MYO16: variants seen among roughly 807,000 people sequenced by gnomAD.
MYO16 encodes the protein myosin XVI.
Under a neutral mutation model 205.3 loss-of-function variants are expected in MYO16, and 94 were observed. The observed-to-expected ratio is 0.46, with a 90% CI of 0.39 to 0.54. The LOEUF (loss-of-function observed/expected upper bound fraction) is 0.54. Among genes scored for constraint, MYO16 ranks in the 20% least tolerant of loss-of-function variants. The pLI, the probability that MYO16 is intolerant of heterozygous loss-of-function variation, is 0.00. For synonymous variants in MYO16, 988 were observed against 954.0 expected, an observed-to-expected ratio of 1.04 and a Z score of -0.66; for missense variants, 2,315 against 2,387.5, an observed-to-expected ratio of 0.97 and a Z score of 0.63.
At chr13:108,846,358 A>G (rs985733804) in intron 10 of MYO16, among the ~76,000 whole-genome samples, 14 of 152,098 alleles carry the variant, frequency 9.2e-5, no homozygotes, top group African/African-American at 3.4e-4. Context: ...CTGTTTCCTA[A>G]TTGTTTTCAT....
At chr13:108,739,479 A>G (rs530693794) in intron 4 of MYO16, among the ~76,000 whole-genome samples, 121 of 152,216 alleles carry the variant, frequency 7.9e-4, no homozygotes, top group African/African-American at 2.9e-3. Context: ...CTCTCTTCTG[A>G]CTTGTAGAGT....
chr13:108,674,984 G>T (rs1882139246), intron 2 of MYO16, among the ~76,000 whole-genome samples: 1 of 152,206 alleles, frequency 6.6e-6, no homozygotes, highest in African/African-American at 2.4e-5. Context: ...CAGAGAGAGG[G>T]AAGTGGCAGC....
intron 34 of MYO16, among the ~76,000 whole-genome samples, chr13:109,202,674 C>T (rs9559515): frequency 0.06 from 9,115 of 152,168 alleles, 761 homozygotes; most frequent in East Asian, 0.28. Context: ...CAAAATACCA[C>T]TATCATTCTT....
chr13:108,519,129 A>G, the MYO16 span, among the ~76,000 whole-genome samples: 1 of 152,210 alleles, frequency 6.6e-6, no homozygotes, highest in Non-Finnish European at 1.5e-5. Flanking sequence ...TCAGTAGCAT[A>G]AACACATTTC....
intron 7 of MYO16, among the ~76,000 whole-genome samples, chr13:108,816,003 C>T (rs943738094): frequency 3.4e-4 from 52 of 152,194 alleles, no homozygotes; most frequent in African/African-American, 1.2e-3. Flanking sequence ...ATGAACATAA[C>T]AAGCCAGTTG....
At chr13:108,973,326 G>T (rs918836459) in intron 20 of MYO16, among the ~76,000 whole-genome samples, 3 of 150,086 alleles carry the variant, frequency 2.0e-5, no homozygotes, top group Non-Finnish European at 3.0e-5. Context: ...CTATACCAAT[G>T]AAAAAAGAGA....
At chr13:108,822,480 T>A (rs1422521103) in intron 8 of MYO16, among the ~76,000 whole-genome samples, 2 of 152,178 alleles carry the variant, frequency 1.3e-5, no homozygotes, top group African/African-American at 4.8e-5. Flanking sequence ...CCTCATGATC[T>A]GTATCAATTT....
At chr13:109,191,694 C>G (rs970096220) in intron 34 of MYO16, among the ~76,000 whole-genome samples, 1 of 152,134 alleles carries the variant, frequency 6.6e-6, no homozygotes, top group Admixed American at 6.5e-5. Context: ...CTACTTGTCA[C>G]TAGATGTTCA....
chr13:109,042,492 C>G (rs1181482054), intron 23 of MYO16, among the ~76,000 whole-genome samples: 1 of 152,124 alleles, frequency 6.6e-6, no homozygotes, highest in African/African-American at 2.4e-5. Context: ...AATTTAGCAC[C>G]AGGAAAAGAC....
chr13:108,509,078 T>C, the MYO16 span, among the ~76,000 whole-genome samples: 3 of 152,190 alleles, frequency 2.0e-5, no homozygotes, highest in South Asian at 4.1e-4. Flanking sequence ...AAATGTTTAA[T>C]AAACCAGTGT....
At chr13:108,660,006 G>A (rs1283307788) in intron 1 of MYO16, among the ~76,000 whole-genome samples, 1 of 152,196 alleles carries the variant, frequency 6.6e-6, no homozygotes, top group East Asian at 1.9e-4. Flanking sequence ...GGAGGCTGAA[G>A]TGGGAGAATC....
chr13:109,087,835 A>AATT (rs1888483758), intron 27 of MYO16, among the ~76,000 whole-genome samples: 1 of 152,196 alleles, frequency 6.6e-6, no homozygotes, highest in Non-Finnish European at 1.5e-5. Flanking sequence ...TTAAGGAGCA[A>AATT]ATTGCTTTAG....
intron 6 of MYO16, among the ~76,000 whole-genome samples, chr13:108,795,730 G>C (rs1449024239): frequency 6.6e-6 from 1 of 152,116 alleles, no homozygotes; most frequent in Non-Finnish European, 1.5e-5. Flanking sequence ...AAATAATAGT[G>C]ACCAAAATTC....
chr13:108,967,342 A>G (rs1183366226), intron 20 of MYO16, among the ~76,000 whole-genome samples: 2 of 152,214 alleles, frequency 1.3e-5, no homozygotes, highest in Non-Finnish European at 2.9e-5. Context: ...TATTAATCAT[A>G]TAGCATTTTA....
At chr13:108,941,983 G>T (rs1004024555) in intron 16 of MYO16, among the ~76,000 whole-genome samples, 5 of 152,176 alleles carry the variant, frequency 3.3e-5, no homozygotes, top group Non-Finnish European at 2.9e-5. Context: ...AAATGCCTAA[G>T]AGTTAATTTA....
chr13:108,720,290 G>A (rs576950018), intron 3 of MYO16, among the ~76,000 whole-genome samples: 3 of 152,200 alleles, frequency 2.0e-5, no homozygotes, highest in African/African-American at 4.8e-5. Flanking sequence ...GCCGGTCTGC[G>A]GTATTGCTGT....
At chr13:108,680,465 A>G (rs562321492) in intron 2 of MYO16, among the ~76,000 whole-genome samples, 3 of 152,340 alleles carry the variant, frequency 2.0e-5, no homozygotes, top group South Asian at 2.1e-4. Flanking sequence ...AGGTTAATAC[A>G]TGGTGTCTGG....
At chr13:108,825,643 ATCTC>A (rs1442261571) in intron 9 of MYO16, among the ~76,000 whole-genome samples, 1 of 152,028 alleles carries the variant, frequency 6.6e-6, no homozygotes, top group Non-Finnish European at 1.5e-5. Context: ...AAGTAAAACT[ATCTC>A]TATGTTCAGA....
At chr13:108,646,383 T>C (rs923454096) in intron 1 of MYO16, among the ~76,000 whole-genome samples, 4 of 152,204 alleles carry the variant, frequency 2.6e-5, no homozygotes, top group Non-Finnish European at 5.9e-5. Flanking sequence ...TTGACTCAAT[T>C]CAAACTCAGC....
Sources: allele counts gnomAD v4.1 joint callset (sites outside exome capture counted in the v4.1 genomes callset), GRCh38; gene constraint gnomAD v4.1.1; transcripts MANE v1.5; gene names NCBI Gene and HGNC (gene_info 2026-07-23, HGNC 2026-07-21).